Variants in UCN3 observed in about 807,000 individuals in gnomAD.
The protein encoded by UCN3 is urocortin 3.
Under a neutral mutation model 3.6 loss-of-function variants are expected in UCN3, and 3 were observed. The ratio of observed to expected loss-of-function variants is 0.83; its 90% confidence interval spans 0.38 to 2.15. The LOEUF is 2.15. Ranked by LOEUF, UCN3 falls within the 30% of genes most tolerant of loss-of-function variation. The probability of loss-of-function intolerance (pLI) is 0.06; values close to 1 mark genes in which losing one functional copy is unlikely to be tolerated. For synonymous variants in UCN3, 100 were observed against 93.2 expected, an observed-to-expected ratio of 1.07 and a Z score of -0.42; for missense variants, 206 against 208.3, an observed-to-expected ratio of 0.99 and a Z score of 0.07.
In UCN3 at chr10:5,374,153, G is replaced by A. The variant is rs1554811818; in HGVS notation, c.433G>A (p.Ala145Thr). 1.2e-6 allele frequency: 2 copies of A among 1,612,554 alleles called. No homozygotes were observed. The highest frequency in any genetic ancestry group is 1.3e-5 in the African/African-American group (1 of 74,698). ...FNIAKAKNLRAQAAANAHLMA... is the reference protein window; with the variant it reads ...FNIAKAKNLRTQAAANAHLMA... The stretch of plus-strand genomic sequence containing the variant: ...CATCGCCAAGGCCAAGAACCTGCGT[G>A]CCCAGGCGGCCGCCAATGCCCACCT... Residue 145 changes from alanine (A) to threonine (T), a missense_variant, in exon 2 of 2, where the codon GCC becomes ACC. Physicochemically the swap from Ala to Thr is moderately conservative, Grantham distance 58 (BLOSUM62 0). Transcript: ENST00000380433.
At chr10:5,370,850 CGCG>C (rs1831404104) in intron 1 of UCN3, among the ~76,000 whole-genome samples, 1 of 63,652 alleles carries the variant, frequency 1.6e-5, no homozygotes, top group Non-Finnish European at 3.0e-5. Flanking sequence ...CGTGTGTGTG[CGCG>C]TGTGTGTGCG....
rs1284691329 is a variant in UCN3, at chr10:5,370,547, ATG to A, written c.-6-3162_-6-3161del. On this transcript the variant is annotated intron_variant, in intron 1 of 1. Transcript: ENST00000380433. ...TATGTGTGTGTGTATATGCGTGTAT[ATG>A]TGTGTATATGTGTGTGTATATGCGT... Among the ~76,000 whole-genome samples, 19 of 41,286 alleles carry A rather than the reference ATG, an allele frequency of 4.6e-4. 2 individuals carry two copies. Among genetic ancestry groups the A allele is most frequent in the Admixed American group, 1.0e-3 (3 of 2,956 alleles). 27.1% of individuals were successfully genotyped at this position (41,286 alleles called of 152,430 possible).
At chr10:5,372,505 G>A (rs551889374) in intron 1 of UCN3, among the ~76,000 whole-genome samples, 32 of 152,256 alleles carry the variant, frequency 2.1e-4, no homozygotes, top group African/African-American at 6.7e-4. Flanking sequence ...TCATCGAGTC[G>A]GACGTTTGTA....
At chr10:5,368,740 A>C (rs184745681) in intron 1 of UCN3, among the ~76,000 whole-genome samples, 1 of 152,198 alleles carries the variant, frequency 6.6e-6, no homozygotes, top group Non-Finnish European at 1.5e-5. Context: ...ACCATGCTTC[A>C]TACTCTATTT....
rs1831421833 is a variant in UCN3, at chr10:5,371,190, CGT to C, written c.-6-2521_-6-2520del. On this transcript the variant is annotated intron_variant, in intron 1 of 1. Coordinates refer to ENST00000380433, the MANE Select transcript of UCN3 (RefSeq NM_053049.4). ...ATGTGTATGTATGTGCATATGTGTA[CGT>C]GTGAGGTGTGTATGTGTGCATATGT... Among the ~76,000 whole-genome samples the C allele has an allele frequency of 2.8e-5, 4 of 144,046 alleles. No homozygotes were observed. In the South Asian group the frequency reaches 9.0e-4, roughly 32 times the overall value. The allele number at this position is 144,046 out of a possible 152,430, so 94.5% of individuals were successfully genotyped here.
At chr10:5,370,204 CGTGTGTAT>C (rs1831346134) in intron 1 of UCN3, among the ~76,000 whole-genome samples, 1 of 5,460 alleles carries the variant, frequency 1.8e-4, no homozygotes, top group Non-Finnish European at 3.0e-4. Context: ...TGTGTATATG[CGTGTGTAT>C]GTGTGTGTAT....
chr10:5,370,261 GCGTGTGTATATGCGTGTGTA>G (rs1831351647), intron 1 of UCN3, among the ~76,000 whole-genome samples: 1 of 98,460 alleles, frequency 1.0e-5, no homozygotes. Flanking sequence ...GTGTGTATAT[GCGTGTGTATATGCGTGTGTA>G]TATGCGTGTG....
chr10:5,371,072 GTGTGTATGTGTGTGCA>G (rs1190238059), intron 1 of UCN3, among the ~76,000 whole-genome samples: 2 of 150,520 alleles, frequency 1.3e-5, no homozygotes, highest in African/African-American at 4.9e-5. Context: ...TACGTGTGAG[GTGTGTATGTGTGTGCA>G]TGTGTATGGT....
At chr10:5,368,465 C>A (rs993067096) in intron 1 of UCN3, among the ~76,000 whole-genome samples, 1 of 152,152 alleles carries the variant, frequency 6.6e-6, no homozygotes, top group Non-Finnish European at 1.5e-5. Context: ...CGAACTCAAT[C>A]CCCTGCTCTC....
Position 5,366,599 on chromosome 10 carries a change from C to G in UCN3, c.-7+1369C>G, listed in dbSNP as rs1834120115. 6.6e-6 allele frequency among the ~76,000 whole-genome samples: 1 copy of G among 152,094 alleles called. No homozygotes were observed. Among genetic ancestry groups the G allele is most frequent in the Admixed American group, 6.5e-5 (1 of 15,272 alleles). On this transcript the variant is annotated intron_variant, in intron 1 of 1. Coordinates refer to ENST00000380433, the MANE Select transcript of UCN3 (RefSeq NM_053049.4). This position sits in a 1 kb window ranked among gnomAD's most constrained non-coding sequence, Gnocchi z 4.2. ...CTAAACAGATCCTAAAAAGAAAAGTCCTGGAAAGAAATCTGAATCTACCTT... is the reference window on the plus strand; with the variant it reads ...CTAAACAGATCCTAAAAAGAAAAGTGCTGGAAAGAAATCTGAATCTACCTT...
At chr10:5,370,487 G>GTA (rs1283994083) in intron 1 of UCN3, among the ~76,000 whole-genome samples, 1 of 92,172 alleles carries the variant, frequency 1.1e-5, no homozygotes, top group African/African-American at 4.0e-5. Flanking sequence ...GTATATGTGT[G>GTA]TATGTGTGTG....
rs1352854978 is a variant in UCN3 at position 5,370,754 on chromosome 10, T to TGTGTGTATATGC, written c.-6-2942_-6-2931dup. 4.1e-5 allele frequency among the ~76,000 whole-genome samples: 5 copies of TGTGTGTATATGC among 122,992 alleles called. 1 individual carries two copies. In the East Asian group the frequency reaches 9.2e-4, roughly 23 times the overall value. The allele number at this position is 122,992 out of a possible 152,430, so 80.7% of individuals were successfully genotyped here. A position where few individuals can be genotyped will look rare whatever the true frequency, so the allele number is the denominator to read the frequency against. The stretch of plus-strand genomic sequence containing the variant: ...TGTGTATATGTGTGTGTATATGATG[T>TGTGTGTATATGC]GTGTGTATATGCGTGTGTATATGCG... On this transcript the variant is annotated intron_variant, in intron 1 of 1. Transcript: ENST00000380433.
At chr10:5,372,172 C>T (rs1480509016) in intron 1 of UCN3, among the ~76,000 whole-genome samples, 2 of 152,236 alleles carry the variant, frequency 1.3e-5, no homozygotes, top group Non-Finnish European at 2.9e-5. Flanking sequence ...TATTACAGGG[C>T]TGGGGAGAGT....
chr10:5,370,211 A>ATATGCGTGTGTATATGCGTGTGTATG (rs1554811145), intron 1 of UCN3, among the ~76,000 whole-genome samples: 1 of 16,876 alleles, frequency 5.9e-5, no homozygotes, highest in Non-Finnish European at 8.9e-5. Flanking sequence ...ATGCGTGTGT[A>ATATGCGTGTGTATATGCGTGTGTATG]TGTGTGTGTA....
Position 5,370,388 on chromosome 10 carries a change from CGT to C in UCN3, c.-6-3322_-6-3321del, listed in dbSNP as rs1251412336. 4.7e-3 allele frequency among the ~76,000 whole-genome samples: 132 copies of C among 27,968 alleles called. 31 individuals are homozygous for C. Among genetic ancestry groups the C allele is most frequent in the African/African-American group, 0.027 (116 of 4,280 alleles). The allele number at this position is 27,968 out of a possible 152,430, so 18.3% of individuals were successfully genotyped here. ...ATGCGTGTGTATATGCGTGTATATG[CGT>C]GTGTATATGTGTGTGTATATGTGTG... On this transcript the variant is annotated intron_variant, in intron 1 of 1. Coordinates refer to ENST00000380433, the MANE Select transcript of UCN3 (RefSeq NM_053049.4).
intron 1 of UCN3, among the ~76,000 whole-genome samples, chr10:5,368,645 G>GTT (rs1278563804): frequency 1.3e-5 from 2 of 152,138 alleles, no homozygotes; most frequent in East Asian, 3.9e-4. Context: ...ATTGGTTTTT[G>GTT]TTTTTTTAAA....
intron 1 of UCN3, among the ~76,000 whole-genome samples, chr10:5,371,514 C>T (rs1445623770): frequency 6.6e-6 from 1 of 152,108 alleles, no homozygotes; most frequent in Non-Finnish European, 1.5e-5. Context: ...GAGACCCAGG[C>T]TCCCTTTGCT....
rs1208961834 is a variant in UCN3, at chr10:5,366,687, C to G, written c.-7+1457C>G. On this transcript the variant is annotated intron_variant, in intron 1 of 1. Coordinates refer to ENST00000380433, the MANE Select transcript of UCN3 (RefSeq NM_053049.4). This position sits in a 1 kb window ranked among gnomAD's most constrained non-coding sequence, Gnocchi z 4.2. ...CATCCAGGGTTGCAAAGAACCCTTA[C>G]ATTTTAAACGATCTAAAACTAAGCT... is the stretch of plus-strand genomic sequence containing the variant. Among the ~76,000 whole-genome samples the G allele has an allele frequency of 3.3e-5, 5 of 152,230 alleles. No homozygotes were observed. Among genetic ancestry groups the G allele is most frequent in the Non-Finnish European group, 5.9e-5 (4 of 68,042 alleles).
At chr10:5,370,850 C>CATGTGTGT (rs1554811416) in intron 1 of UCN3, among the ~76,000 whole-genome samples, 1 of 63,652 alleles carries the variant, frequency 1.6e-5, no homozygotes, top group Non-Finnish European at 3.0e-5. Context: ...CGTGTGTGTG[C>CATGTGTGT]GCGTGTGTGT....
Sources: allele counts gnomAD v4.1 joint callset (sites outside exome capture counted in the v4.1 genomes callset), GRCh38; gene constraint gnomAD v4.1.1; non-coding constraint Gnocchi (gnomAD v3.1); transcripts MANE v1.5; gene names NCBI Gene and HGNC (gene_info 2026-07-23, HGNC 2026-07-21).